ADGRL2: variants seen among roughly 807,000 people sequenced by gnomAD.
ADGRL2 encodes the protein adhesion G protein-coupled receptor L2.
A neutral mutation model predicts 157.4 loss-of-function variants in ADGRL2; 44 were observed. The ratio of observed to expected loss-of-function variants is 0.28; its 90% CI spans 0.22 to 0.36. The LOEUF is 0.36. ADGRL2 is among the 10% of genes least tolerant of loss of function. ADGRL2 has a pLI of 1.00. For missense variants in ADGRL2, 1,510 were observed against 1,768.9 expected, an observed-to-expected ratio of 0.85 and a Z score of 2.63; for synonymous variants, 585 against 624.7, an observed-to-expected ratio of 0.94 and a Z score of 0.95.
chr1:81,779,620 A>ATATGCTG (rs1442192374), intron 2 of ADGRL2, among the ~76,000 whole-genome samples: 3 of 152,108 alleles, frequency 2.0e-5, no homozygotes, highest in African/African-American at 7.2e-5. Flanking sequence ...TATCTTTTGC[A>ATATGCTG]TATGCTGTTT....
chr1:81,978,680 A>G (rs17431313), intron 17 of ADGRL2, among the ~76,000 whole-genome samples: 13,489 of 151,714 alleles, frequency 0.089, 728 homozygotes, highest in African/African-American at 0.16. Context: ...TTATTGCCCT[A>G]TATCACTTTT....
chr1:81,645,270 T>C (rs2082291232), intron 3 of ADGRL2, among the ~76,000 whole-genome samples: 1 of 151,708 alleles, frequency 6.6e-6, no homozygotes, highest in South Asian at 2.1e-4. Context: ...TGCGTGCCTG[T>C]AGTCCTAGCT....
At chr1:81,560,548 G>C (rs1307866865) in intron 2 of ADGRL2, among the ~76,000 whole-genome samples, 1 of 152,196 alleles carries the variant, frequency 6.6e-6, no homozygotes, top group Non-Finnish European at 1.5e-5. Context: ...GCACATATGT[G>C]TTGGGAATTC....
At chr1:81,734,727 C>T (rs913725664) in intron 1 of ADGRL2, among the ~76,000 whole-genome samples, 3 of 149,112 alleles carry the variant, frequency 2.0e-5, no homozygotes, top group African/African-American at 7.3e-5. Context: ...AATGAAGAAA[C>T]TGAGGCTTAA....
In ADGRL2 at chr1:81,993,089, T is replaced by TATATATATA. The variant is rs1664895746; in HGVS notation, c.*1944_*1945insATATATATA. 4.7e-5 allele frequency among the ~76,000 whole-genome samples: 1 copy of TATATATATA among 21,410 alleles called. No homozygotes were observed. The highest frequency in any genetic ancestry group is 8.2e-5 in the Non-Finnish European group (1 of 12,172). The allele number at this position is 21,410 out of a possible 152,430, so 14.0% of individuals were successfully genotyped here. On this transcript the variant is annotated 3_prime_UTR_variant, in exon 24 of 24. Transcript: ENST00000686636. ...TATATATATATATATATATATATATTTTTTTTTTTTTTTTTTTTTTTTTTT... is the reference window on the plus strand; with the variant it reads ...TATATATATATATATATATATATATTATATATATATTTTTTTTTTTTTTTTTTTTTTTTT...
At chr1:81,703,554 T>C (rs779765257) in intron 1 of ADGRL2, among the ~76,000 whole-genome samples, 15 of 152,132 alleles carry the variant, frequency 9.9e-5, no homozygotes, top group Non-Finnish European at 2.9e-5. Flanking sequence ...AGTGTGGACA[T>C]TGGTGAGATC....
At chr1:81,952,332 A>G (rs1448608115) in intron 9 of ADGRL2, among the ~76,000 whole-genome samples, 190 bp downstream of exon 9, 1 of 152,102 alleles carries the variant, frequency 6.6e-6, no homozygotes, top group East Asian at 1.9e-4. Context: ...CTCCCAAAAG[A>G]GTGTAAATGA....
At chr1:81,351,809 T>G (rs1283594635) in intron 1 of ADGRL2, among the ~76,000 whole-genome samples, 3 of 152,198 alleles carry the variant, frequency 2.0e-5, no homozygotes, top group Non-Finnish European at 4.4e-5. Flanking sequence ...ACTACATAGG[T>G]GACAAAGTTA....
intron 2 of ADGRL2, among the ~76,000 whole-genome samples, chr1:81,471,169 C>T (rs2078163974): frequency 6.6e-6 from 1 of 152,082 alleles, no homozygotes; most frequent in South Asian, 2.1e-4. Flanking sequence ...ATTTGCATGC[C>T]TTAGTAAATC....
At chr1:81,845,024 A>G (rs1334035508) in intron 2 of ADGRL2, among the ~76,000 whole-genome samples, 1 of 152,136 alleles carries the variant, frequency 6.6e-6, no homozygotes, top group Admixed American at 6.6e-5. Flanking sequence ...GCGGCAGCAC[A>G]TTTCTTTTCT....
Position 81,970,360 on chromosome 1 carries a change from C to A in ADGRL2, c.2780C>A (p.Ala927Glu). The change falls in exon 16 of 24, where the codon GCA becomes GAA. Residue 927 changes from alanine to glutamate, a missense_variant. Around this residue, in one of 4 missense-constraint regions of ADGRL2, gnomAD observed 497 missense variants for 627.2 expected, o/e 0.79. Transcript: ENST00000686636. ...GGACTTCTACACTTTTTCTTTTTGG[C>A]AGCTTTTGCTTGGATGTGCCTAGAA... is the stretch of plus-strand genomic sequence containing the variant. Reference protein sequence around the residue: ...FAGLLHFFFLAAFAWMCLEGV... With the variant: ...FAGLLHFFFLEAFAWMCLEGV... The A allele has an allele frequency of 6.3e-7, 1 of 1,597,440 alleles. No homozygotes were observed. Among genetic ancestry groups the A allele is most frequent in the Non-Finnish European group, 8.5e-7 (1 of 1,175,170 alleles).
chr1:81,853,770 AT>A (rs1178369786), intron 2 of ADGRL2, among the ~76,000 whole-genome samples: 3 of 151,972 alleles, frequency 2.0e-5, no homozygotes, highest in Admixed American at 2.0e-4. Flanking sequence ...TTTTTCTGTC[AT>A]TTTTTTCTAA....
intron 18 of ADGRL2, 114 bp downstream of exon 18, chr1:81,980,074 G>A: frequency 1.6e-6 from 1 of 626,796 alleles, no homozygotes. Flanking sequence ...TCAGAATGAA[G>A]TTTTACTGCC....
At chr1:81,328,355 C>A (rs1330010080) in intron 1 of ADGRL2, among the ~76,000 whole-genome samples, 1 of 152,052 alleles carries the variant, frequency 6.6e-6, no homozygotes, top group African/African-American at 2.4e-5. Flanking sequence ...AGAGTTCCAT[C>A]AGTAAATCAT....
intron 2 of ADGRL2, among the ~76,000 whole-genome samples, chr1:81,478,269 G>A (rs547457882): frequency 6.6e-6 from 1 of 152,144 alleles, no homozygotes; most frequent in Non-Finnish European, 1.5e-5. Context: ...ATCCATGCTC[G>A]GTTCCTGTGG....
chr1:81,427,571 T>C, intron 1 of ADGRL2: 1 of 740,326 alleles, frequency 1.4e-6, no homozygotes, highest in African/African-American at 1.7e-5. Context: ...TGGTTATGGA[T>C]CTGGTGATGG....
chr1:81,930,160 A>T (rs1490648582), intron 3 of ADGRL2, among the ~76,000 whole-genome samples: 2 of 152,192 alleles, frequency 1.3e-5, no homozygotes, highest in African/African-American at 4.8e-5. Context: ...GAGTATAAGT[A>T]ATGTGTGCAT....
chr1:81,733,444 T>C lies in ADGRL2; in HGVS notation c.-142-28367T>C, dbSNP rs76417630. Among the ~76,000 whole-genome samples, 1,097 of 152,320 alleles carry C rather than the reference T, an allele frequency of 7.2e-3. 10 individuals are homozygous for C. The highest frequency in any genetic ancestry group is 0.017 in the Admixed American group (264 of 15,304). On this transcript the variant is annotated intron_variant, in intron 1 of 20. Coordinates refer to the ADGRL2 transcript ENST00000359929. The stretch of plus-strand genomic sequence containing the variant: ...GGCTTGCAGATGGCTGCCTTCTCAC[T>C]GTTCTCACCTGGTCTTTCCTCCATG...
chr1:81,436,970 G>A (rs12023360), intron 1 of ADGRL2, among the ~76,000 whole-genome samples: 3,527 of 152,232 alleles, frequency 0.023, 64 homozygotes, highest in Middle Eastern at 0.041. Flanking sequence ...CACTCCTTAC[G>A]ATAGTAAATC....
Sources: gnomAD v4.1 joint callset for allele counts (sites outside exome capture counted in the v4.1 genomes callset) on GRCh38, gnomAD v4.1.1 for gene constraint, gnomAD v4.1.1 regional missense constraint, MANE v1.5 for transcripts, NCBI Gene and HGNC (gene_info 2026-07-23, HGNC 2026-07-21) for gene names.